DNAH11: variants seen among roughly 807,000 people sequenced by gnomAD.
DNAH11 encodes the protein axonemal beta dynein heavy chain 11.
DNAH11 carries 442 observed loss-of-function variants against 526.0 expected under a neutral mutation model. The observed-to-expected ratio is 0.84, with a 90% CI of 0.78 to 0.91. The LOEUF (loss-of-function observed/expected upper bound fraction) is 0.91. Ranked by LOEUF, DNAH11 falls within the 40% of genes least tolerant of loss-of-function variation. The pLI is 0.00. For missense variants in DNAH11, 6,989 were observed against 5,448.7 expected (o/e 1.28, Z -8.90); for synonymous variants, 2,461 against 1,935.9 (o/e 1.27, Z -7.12).
At chr7:21,651,169 A>G (rs1229262153) in intron 28 of DNAH11, among the ~76,000 whole-genome samples, 2 of 152,092 alleles carry the variant, frequency 1.3e-5, no homozygotes, top group African/African-American at 4.8e-5. Context: ...AAACATATGA[A>G]TGAGTCCTGA....
At position 21,744,863 on chromosome 7, in the gene DNAH11, C is replaced by G; in HGVS notation, c.8317-7C>G. 1 of 1,602,214 alleles carries G rather than the reference C, an allele frequency of 6.2e-7. No individual in the cohort carries two copies. The highest frequency in any genetic ancestry group is 8.5e-7 in the Non-Finnish European group (1 of 1,175,084). ...CATGCCATATTTTTCTCTTTCTCAT[C>G]CTGCAGGGTATAGATAGTCACATGC... On this transcript the variant is annotated splice_polypyrimidine_tract_variant and splice_region_variant and intron_variant, in intron 50 of 81. Transcript: ENST00000409508.
intron 55 of DNAH11, among the ~76,000 whole-genome samples, chr7:21,767,089 C>T (rs114310799): frequency 0.012 from 1,848 of 152,256 alleles, 41 homozygotes; most frequent in African/African-American, 0.042. Context: ...ACACAAATTT[C>T]GTATGTGATT....
chr7:21,702,964 G>A (rs958016771), intron 37 of DNAH11, among the ~76,000 whole-genome samples, 162 bp downstream of exon 37: 1 of 152,146 alleles, frequency 6.6e-6, no homozygotes, highest in South Asian at 2.1e-4. Context: ...CTTATAAGAG[G>A]TCACAAGTGG....
rs184567426 is a variant in DNAH11, at chr7:21,659,782, C to G, written c.5328+751C>G. 1.3e-3 allele frequency among the ~76,000 whole-genome samples: 200 copies of G among 152,164 alleles called. 1 individual carries two copies. Among genetic ancestry groups the G allele is most frequent in the Middle Eastern group, 6.8e-3 (2 of 294 alleles). On this transcript the variant is annotated intron_variant, in intron 30 of 81. Coordinates refer to ENST00000409508, the MANE Select transcript of DNAH11 (RefSeq NM_001277115.2). ...TGCTTCCCAATGCTCCTCATCGACC[C>G]CTTTTCTGCTTTAGCAGTACTTTTA...
intron 25 of DNAH11, among the ~76,000 whole-genome samples, chr7:21,627,470 A>T (rs1562711770): frequency 6.6e-6 from 1 of 152,180 alleles, no homozygotes; most frequent in Non-Finnish European, 1.5e-5. Context: ...TGAGGGATAG[A>T]AATCTAGTTT....
At chr7:21,882,016 A>G (rs1783939823) in intron 75 of DNAH11, among the ~76,000 whole-genome samples, 1 of 152,356 alleles carries the variant, frequency 6.6e-6, no homozygotes, top group Middle Eastern at 3.4e-3. Context: ...GATTCCCAGC[A>G]CATTTTGTCT....
intron 65 of DNAH11, among the ~76,000 whole-genome samples, chr7:21,830,563 C>T (rs1012674222): frequency 1.3e-5 from 2 of 152,162 alleles, no homozygotes; most frequent in African/African-American, 2.4e-5. Context: ...AGCAAATTAA[C>T]CTGCAATGTT....
At chr7:21,711,636 G>A (rs1784466527) in intron 41 of DNAH11, 76 bp from the exon 42 acceptor site, 1 of 1,543,960 alleles carries the variant, frequency 6.5e-7, no homozygotes, top group Non-Finnish European at 8.7e-7. Flanking sequence ...ACTTCTGGTA[G>A]GGGAAAGTAC....
chr7:21,628,916 A>G (rs994257420), intron 25 of DNAH11, among the ~76,000 whole-genome samples: 3 of 151,714 alleles, frequency 2.0e-5, no homozygotes, highest in African/African-American at 7.3e-5. Flanking sequence ...TTCAGCTCTC[A>G]TCCTTGTTAT....
At chr7:21,579,803 A>T (rs75836540) in intron 8 of DNAH11, among the ~76,000 whole-genome samples, 6,173 of 152,326 alleles carry the variant, frequency 0.041, 137 homozygotes, top group South Asian at 0.062. Flanking sequence ...TTATTTAGTC[A>T]GCCATTGGAG....
At chr7:21,878,754 C>T (rs1424256286) in intron 74 of DNAH11, among the ~76,000 whole-genome samples, 1 of 152,134 alleles carries the variant, frequency 6.6e-6, no homozygotes, top group African/African-American at 2.4e-5. Context: ...GCTCTCTGAT[C>T]CTGACCCACA....
At chr7:21,708,163 C>T (rs1385226213) in intron 40 of DNAH11, among the ~76,000 whole-genome samples, 4 of 152,172 alleles carry the variant, frequency 2.6e-5, no homozygotes, top group Admixed American at 2.6e-4. Flanking sequence ...CACTGAAGTT[C>T]AGGCAGACAT....
intron 25 of DNAH11, among the ~76,000 whole-genome samples, chr7:21,626,409 G>T (rs1288208800): frequency 6.6e-6 from 1 of 152,086 alleles, no homozygotes; most frequent in Non-Finnish European, 1.5e-5. Context: ...AATTAGTACT[G>T]CAAAAAACAT....
At position 21,673,538 on chromosome 7, in the gene DNAH11, C is replaced by T. The variant is rs182543058; in HGVS notation, c.5329-8008C>T. Among the ~76,000 whole-genome samples, 3 of 152,296 alleles carry T rather than the reference C, an allele frequency of 2.0e-5. No individual in the cohort carries two copies. In the East Asian group the frequency reaches 5.8e-4, roughly 29 times the overall value. On this transcript the variant is annotated intron_variant, in intron 30 of 81. Coordinates refer to ENST00000409508, the MANE Select transcript of DNAH11 (RefSeq NM_001277115.2). ...AGCTAGGAGGGAAGGGTGATCTCCA[C>T]TGCCCAGAGCATTTCTCCATCTCTG...
intron 55 of DNAH11, among the ~76,000 whole-genome samples, chr7:21,767,859 C>T (rs1787245871): frequency 6.6e-6 from 1 of 152,070 alleles, no homozygotes. Flanking sequence ...TGAAAGTTAT[C>T]AGCATAATTT....
chr7:21,664,391 C>T (rs575152685), intron 30 of DNAH11, among the ~76,000 whole-genome samples: 2 of 151,882 alleles, frequency 1.3e-5, no homozygotes, highest in South Asian at 4.2e-4. Context: ...AATGTCTCTA[C>T]AGTGTATCTC....
chr7:21,589,320 GA>G lies in DNAH11; in HGVS notation c.2089del (p.Ile697SerfsTer6). 1 of 1,610,686 alleles carries G rather than the reference GA, an allele frequency of 6.2e-7. No individual in the cohort carries two copies. Among genetic ancestry groups the G allele is most frequent in the East Asian group, 2.2e-5 (1 of 44,594 alleles). ...IYNEWKSNVDEICEFNLNQPL... is the reference protein window; with the variant it reads ...IYNEWKSNVDXICEFNLNQPL... The stretch of plus-strand genomic sequence containing the variant: ...TAATGAATGGAAAAGTAATGTGGAT[GA>G]AATCTGTGAATTCAATTTGAATCAA... On this transcript the variant is annotated frameshift_variant, in exon 12 of 82. Coordinates refer to ENST00000409508, the MANE Select transcript of DNAH11 (RefSeq NM_001277115.2). LOFTEE classifies it high-confidence loss of function.
intron 28 of DNAH11, among the ~76,000 whole-genome samples, chr7:21,648,251 G>A (rs1304816843): frequency 4.6e-5 from 7 of 152,140 alleles, no homozygotes; most frequent in South Asian, 2.1e-4. Context: ...AGTACGTAAC[G>A]TACAATAATG....
In DNAH11 at chr7:21,783,027, A is replaced by G. The variant is rs556946948; in HGVS notation, c.9484-1400A>G. ...TTAAAATGATTTTTTTAATGATGCC[A>G]TTATAAATGTTAACAAACAGCATTT... On this transcript the variant is annotated intron_variant, in intron 57 of 81. Transcript: ENST00000409508. Among the ~76,000 whole-genome samples the G allele has an allele frequency of 2.2e-4, 34 of 152,258 alleles. 1 individual carries two copies. Among genetic ancestry groups the G allele is most frequent in the African/African-American group, 7.7e-4 (32 of 41,532 alleles).
Sources: gnomAD v4.1 joint callset for allele counts (sites outside exome capture counted in the v4.1 genomes callset) on GRCh38, gnomAD v4.1.1 for gene constraint, MANE v1.5 for transcripts, NCBI Gene and HGNC (gene_info 2026-07-23, HGNC 2026-07-21) for gene names.